GAS7: variants seen among roughly 807,000 people sequenced by gnomAD.
GAS7 encodes growth arrest-specific protein 7.
GAS7 carries 28 observed loss-of-function variants against 71.1 expected under a neutral mutation model. The observed-to-expected ratio is 0.39, with a 90% CI of 0.29 to 0.54. The LOEUF (loss-of-function observed/expected upper bound fraction) is 0.54, where lower values mean the gene tolerates loss of function less well. Among genes scored for constraint, GAS7 ranks in the 20% least tolerant of loss-of-function variants. The pLI, the probability that GAS7 is intolerant of heterozygous loss-of-function variation, is 0.62. For synonymous variants in GAS7, 258 were observed against 245.8 expected, an observed-to-expected ratio of 1.05 and a Z score of -0.46; for missense variants, 436 against 627.8, an observed-to-expected ratio of 0.69 and a Z score of 3.27.
rs564548148 is a variant in GAS7, at chr17:10,189,101, T to C, written c.183+9107A>G. 3.9e-5 allele frequency among the ~76,000 whole-genome samples: 6 copies of C among 152,308 alleles called. No individual in the cohort carries two copies. In the South Asian group the frequency reaches 1.0e-3, roughly 26 times the overall value. On this transcript the variant is annotated intron_variant, in intron 1 of 13. Coordinates refer to ENST00000432992, the MANE Select transcript of GAS7 (RefSeq NM_201433.2). The stretch of plus-strand genomic sequence containing the variant: ...TTGTATTTGCCTTTTACCTCCTTTT[T>C]TTTGGGAAGAGATTTCTAGTGGCAG...
At chr17:10,059,813 T>C (rs994915054) in intron 1 of GAS7, 7 of 985,038 alleles carry the variant, frequency 7.1e-6, no homozygotes, top group South Asian at 4.7e-5. Context: ...CATTTATATA[T>C]AGAAAGTTGC....
chr17:10,148,827 A>G (rs967523947), intron 1 of GAS7, among the ~76,000 whole-genome samples: 1 of 148,858 alleles, frequency 6.7e-6, no homozygotes, highest in Admixed American at 6.7e-5. Flanking sequence ...GGAGAATGGC[A>G]TGAACCTGGG....
intron 6 of GAS7, among the ~76,000 whole-genome samples, chr17:9,945,677 T>C (rs1017822752): frequency 6.6e-6 from 1 of 151,612 alleles, no homozygotes; most frequent in Non-Finnish European, 1.5e-5. Flanking sequence ...TCTAAAAAAG[T>C]GTAGATAATC....
intron 5 of GAS7, among the ~76,000 whole-genome samples, chr17:9,957,083 T>G (rs1485605834): frequency 6.6e-6 from 1 of 152,102 alleles, no homozygotes. Flanking sequence ...TCACTTGTTT[T>G]GTGACCTCTG....
At chr17:10,112,050 G>A (rs1054126612) in intron 1 of GAS7, among the ~76,000 whole-genome samples, 3 of 152,192 alleles carry the variant, frequency 2.0e-5, no homozygotes, top group Admixed American at 1.3e-4. Context: ...CTACCGTACT[G>A]GGCGTCACAA....
In GAS7 at chr17:10,134,038, T is replaced by G. The variant is rs2074019233; in HGVS notation, c.183+64170A>C. 5.1e-5 allele frequency among the ~76,000 whole-genome samples: 2 copies of G among 39,474 alleles called. 1 individual carries two copies. The highest frequency in any genetic ancestry group is 3.1e-3 in the South Asian group (2 of 646). 25.9% of individuals were successfully genotyped at this position (39,474 alleles called of 152,430 possible). The stretch of plus-strand genomic sequence containing the variant: ...GACCTGTACCACATTTTCTTTTTTC[T>G]TTTTTTTTTGAGATGGGAGTCTCGC... On this transcript the variant is annotated intron_variant, in intron 1 of 13. Coordinates refer to ENST00000432992, the MANE Select transcript of GAS7 (RefSeq NM_201433.2).
At chr17:10,182,971 C>T (rs979982381) in intron 1 of GAS7, among the ~76,000 whole-genome samples, 4 of 152,134 alleles carry the variant, frequency 2.6e-5, no homozygotes, top group African/African-American at 7.2e-5. Context: ...CCCAGGCAGC[C>T]GGAGGCCCAT....
chr17:10,138,880 C>T (rs1175127294), intron 1 of GAS7, among the ~76,000 whole-genome samples: 4 of 152,200 alleles, frequency 2.6e-5, no homozygotes, highest in African/African-American at 9.6e-5. Flanking sequence ...TTTCAATATT[C>T]TATCCTGCTA....
chr17:10,065,075 A>T (rs2073267170), intron 1 of GAS7, among the ~76,000 whole-genome samples: 1 of 151,828 alleles, frequency 6.6e-6, no homozygotes, highest in South Asian at 2.1e-4. Context: ...TTTTGCCTTG[A>T]CCTCCCAAAG....
intron 1 of GAS7, among the ~76,000 whole-genome samples, chr17:10,158,336 TAAAAAA>T (rs58514810): frequency 2.4e-5 from 2 of 83,404 alleles, no homozygotes; most frequent in Non-Finnish European, 5.0e-5. Context: ...CTTTTTTTGG[TAAAAAA>T]AAAAAAAAAA....
intron 3 of GAS7, among the ~76,000 whole-genome samples, chr17:9,977,848 A>G (rs1171972958): frequency 2.0e-5 from 3 of 152,190 alleles, no homozygotes; most frequent in South Asian, 2.1e-4. Flanking sequence ...ACAAACCTGC[A>G]CTAATAAGAA....
chr17:10,149,974 A>G (rs1394019512), intron 1 of GAS7, among the ~76,000 whole-genome samples: 3 of 152,152 alleles, frequency 2.0e-5, no homozygotes, highest in African/African-American at 4.8e-5. Context: ...GGGGAGTGAC[A>G]GCTAACAGGG....
intron 1 of GAS7, among the ~76,000 whole-genome samples, chr17:10,099,922 G>A (rs913162545): frequency 6.6e-6 from 1 of 152,192 alleles, no homozygotes; most frequent in Non-Finnish European, 1.5e-5. Context: ...GACAGTGGAA[G>A]GCCAGAACAC....
intron 1 of GAS7, among the ~76,000 whole-genome samples, chr17:10,145,692 G>A (rs1299366309): frequency 1.3e-5 from 2 of 152,216 alleles, no homozygotes; most frequent in East Asian, 3.8e-4. Context: ...TGAACGGACA[G>A]TATAGCTGGG....
chr17:9,931,692 T>C (rs2068213469), intron 9 of GAS7, among the ~76,000 whole-genome samples: 1 of 152,248 alleles, frequency 6.6e-6, no homozygotes, highest in East Asian at 1.9e-4. Context: ...GTAGCAATTT[T>C]CTACTGAAGC....
chr17:10,148,708 G>C (rs1026061013), intron 1 of GAS7, among the ~76,000 whole-genome samples: 1 of 151,354 alleles, frequency 6.6e-6, no homozygotes, highest in African/African-American at 2.4e-5. Flanking sequence ...TCAGGAGATC[G>C]AGACCATCCT....
intron 3 of GAS7, among the ~76,000 whole-genome samples, chr17:9,975,581 A>G (rs2070166758): frequency 6.9e-6 from 1 of 145,682 alleles, no homozygotes. Context: ...CATCTATCAC[A>G]TATTAAACAT....
At chr17:10,066,653 T>A (rs779421526) in intron 1 of GAS7, among the ~76,000 whole-genome samples, 40 of 152,348 alleles carry the variant, frequency 2.6e-4, no homozygotes, top group Non-Finnish European at 2.9e-4. Context: ...TCAATTTTTT[T>A]AAAAACAGTT....
intron 1 of GAS7, among the ~76,000 whole-genome samples, chr17:10,177,391 G>A (rs1319313702): frequency 6.6e-6 from 1 of 152,122 alleles, no homozygotes; most frequent in Non-Finnish European, 1.5e-5. Context: ...TTTGTGCAAG[G>A]TCCAGATGAG....
Sources: gnomAD v4.1 joint callset for allele counts (sites outside exome capture counted in the v4.1 genomes callset) on GRCh38, gnomAD v4.1.1 for gene constraint, MANE v1.5 for transcripts, NCBI Gene and HGNC (gene_info 2026-07-23, HGNC 2026-07-21) for gene names.